RHD: variants seen among roughly 807,000 people sequenced by gnomAD.
RHD encodes the protein Rh blood group D antigen.
Under a neutral mutation model 45.5 loss-of-function variants are expected in RHD, and 16 were observed. That is an observed-to-expected ratio of 0.35 (90% CI 0.24 to 0.53). RHD has a LOEUF of 0.53. Ranked by LOEUF, RHD falls within the 20% of genes least tolerant of loss-of-function variation. The probability of loss-of-function intolerance (pLI) is 0.92; values close to 1 mark genes in which losing one functional copy is unlikely to be tolerated. For synonymous variants in RHD, 131 were observed against 217.5 expected, an observed-to-expected ratio of 0.60 and a Z score of 3.50; for missense variants, 306 against 532.0, an observed-to-expected ratio of 0.58 and a Z score of 4.18.
rs569995563 is a variant in RHD at position 25,321,349 on chromosome 1, C to CAA, written c.1154-525_1154-524dup. On this transcript the variant is annotated intron_variant, in intron 8 of 9. Transcript: ENST00000328664. ...CACTGCCATTCCCAGTTCTTTTTTT[C>CAA]AAAAAAAAAAAAAAAATGTCTACAG... Among the ~76,000 whole-genome samples, 11 of 87,148 alleles carry CAA rather than the reference C, an allele frequency of 1.3e-4. 2 individuals are homozygous for CAA. The highest frequency in any genetic ancestry group is 1.9e-4 in the Non-Finnish European group (7 of 37,070). 57.2% of individuals were successfully genotyped at this position (87,148 alleles called of 152,430 possible). A position where few individuals can be genotyped will look rare whatever the true frequency, so the allele number is the denominator to read the frequency against.
chr1:25,293,702 T>C lies in RHD; in HGVS notation c.486+2911T>C, dbSNP rs574784427. ...GTAACCATCAGTAGGTGGTATCTAC[T>C]GACTAGAGAGGGAAGTTTTTGAAAA... On this transcript the variant is annotated intron_variant, in intron 3 of 9. Coordinates refer to ENST00000328664, the MANE Select transcript of RHD (RefSeq NM_016124.6). Among the ~76,000 whole-genome samples, 683 of 131,852 alleles carry C rather than the reference T, an allele frequency of 5.2e-3. 168 individuals carry two copies. Among genetic ancestry groups the C allele is most frequent in the Non-Finnish European group, 9.6e-3 (536 of 55,816 alleles). The allele number at this position is 131,852 out of a possible 152,430, so 86.5% of individuals were successfully genotyped here.
Position 25,307,885 on chromosome 1 carries a change from C to T in RHD, c.1073+1156C>T. Reference sequence around the variant, plus strand: ...AAGCAAGGCGCCTCTGTGATGGGTTCCAGTGATGTGTCTGCCACTGTCTTA... The same window carrying T: ...AAGCAAGGCGCCTCTGTGATGGGTTTCAGTGATGTGTCTGCCACTGTCTTA... On this transcript the variant is annotated intron_variant, in intron 7 of 9. Transcript: ENST00000328664. 2.5e-6 allele frequency: 3 copies of T among 1,200,802 alleles called. 1 individual carries two copies. Among genetic ancestry groups the T allele is most frequent in the Non-Finnish European group, 3.5e-6 (3 of 854,730 alleles). 74.4% of individuals were successfully genotyped at this position (1,200,802 alleles called of 1,614,324 possible). A position where few individuals can be genotyped will look rare whatever the true frequency, so the allele number is the denominator to read the frequency against.
In RHD at chr1:25,307,747, C is replaced by T. The variant is rs183188679; in HGVS notation, c.1073+1018C>T. On this transcript the variant is annotated intron_variant, in intron 7 of 9. Coordinates refer to ENST00000328664, the MANE Select transcript of RHD (RefSeq NM_016124.6). ...GAGAAATCATGGAGGCGCTGCGGTT[C>T]CTACCGGTTCTTGGATGCCTTCTAC... The T allele has an allele frequency of 1.1e-3, 1,443 of 1,307,206 alleles. 270 individuals carry two copies. In the African/African-American group the frequency reaches 0.012, roughly 11 times the overall value. 81.0% of individuals were successfully genotyped at this position (1,307,206 alleles called of 1,614,324 possible). A position where few individuals can be genotyped will look rare whatever the true frequency, so the allele number is the denominator to read the frequency against.
Position 25,275,849 on chromosome 1 carries a change from G to A in RHD, c.148+3154G>A, listed in dbSNP as rs537564565. Among the ~76,000 whole-genome samples, 3 of 131,694 alleles carry A rather than the reference G, an allele frequency of 2.3e-5. 1 individual carries two copies. Among genetic ancestry groups the A allele is most frequent in the Admixed American group, 7.4e-5 (1 of 13,438 alleles). 86.4% of individuals were successfully genotyped at this position (131,694 alleles called of 152,430 possible). On this transcript the variant is annotated intron_variant, in intron 1 of 9. Transcript: ENST00000328664. ...ATTAGATCAACATGTTTTAAATCTC[G>A]AATGTGACTGACAGCTTGTACGAGG...
chr1:25,288,602 T>G (rs185301118), intron 2 of RHD, among the ~76,000 whole-genome samples: 1 of 126,916 alleles, frequency 7.9e-6, no homozygotes, highest in African/African-American at 2.7e-5. Context: ...TTACCGTGGC[T>G]CCAGAGGCAT....
At chr1:25,306,362 G>C (rs1174037328) in intron 6 of RHD, among the ~76,000 whole-genome samples, 1 of 131,560 alleles carries the variant, frequency 7.6e-6, no homozygotes, top group East Asian at 1.9e-4. Context: ...CATCACCTGG[G>C]ACCTTGTTAG....
In RHD at chr1:25,329,237, G is replaced by GTTTTTTTTTTTTTT. The variant is rs71014352; in HGVS notation, c.*325_*338dup. On this transcript the variant is annotated 3_prime_UTR_variant, in exon 10 of 10. Coordinates refer to ENST00000328664, the MANE Select transcript of RHD (RefSeq NM_016124.6). ...TAAGGTTAATTTATTATTATTCCTT[G>GTTTTTTTTTTTTTT]TTTTTTTTTTTTTTTTTTTTTTTTT... The GTTTTTTTTTTTTTT allele has an allele frequency of 2.1e-5, 5 of 233,242 alleles. No homozygotes were observed. Among genetic ancestry groups the GTTTTTTTTTTTTTT allele is most frequent in the Admixed American group, 7.8e-5 (1 of 12,816 alleles). 14.4% of individuals were successfully genotyped at this position (233,242 alleles called of 1,614,324 possible). A position where few individuals can be genotyped will look rare whatever the true frequency, so the allele number is the denominator to read the frequency against.
chr1:25,284,147 G>A lies in RHD; in HGVS notation c.149-426G>A, dbSNP rs1338403037. Among the ~76,000 whole-genome samples the A allele has an allele frequency of 7.3e-5, 10 of 136,146 alleles. 1 individual carries two copies. Among genetic ancestry groups the A allele is most frequent in the Admixed American group, 7.1e-4 (10 of 14,162 alleles). The allele number at this position is 136,146 out of a possible 152,430, so 89.3% of individuals were successfully genotyped here. On this transcript the variant is annotated intron_variant, in intron 1 of 9. Coordinates refer to ENST00000328664, the MANE Select transcript of RHD (RefSeq NM_016124.6). ...TCCTGGGACAAGTCACTTGGCTTCT[G>A]TGGCTTCATTTTCTCATGTGCCCAG...
At chr1:25,307,970 A>T (rs671726) in intron 7 of RHD, among the ~76,000 whole-genome samples, 6 of 127,746 alleles carry the variant, frequency 4.7e-5, no homozygotes, top group East Asian at 2.0e-4. Flanking sequence ...TTCCCCTCTG[A>T]AAGATGAGGA....
At chr1:25,311,350 C>T (rs1476611043) in intron 7 of RHD, among the ~76,000 whole-genome samples, 1 of 131,192 alleles carries the variant, frequency 7.6e-6, no homozygotes, top group African/African-American at 2.6e-5. Flanking sequence ...CAACTACCGA[C>T]TGATAAGAAA....
intron 3 of RHD, among the ~76,000 whole-genome samples, chr1:25,299,772 C>T (rs574927934): frequency 3.0e-5 from 4 of 132,834 alleles, no homozygotes; most frequent in South Asian, 2.3e-4. Flanking sequence ...ATTTATTTGA[C>T]GCAGTGTCAC....
chr1:25,311,348 G>A (rs1216815351), intron 7 of RHD, among the ~76,000 whole-genome samples: 2 of 130,924 alleles, frequency 1.5e-5, no homozygotes, highest in Admixed American at 7.4e-5. Flanking sequence ...CACAACTACC[G>A]ACTGATAAGA....
In RHD at chr1:25,285,650, A is replaced by C. The variant is rs1398338694; in HGVS notation, c.335+891A>C. The stretch of plus-strand genomic sequence containing the variant: ...ATTGATTAGGAAGGAACACAAAATA[A>C]CCGCATGGGGTGCAGAAAATGTTCT... On this transcript the variant is annotated intron_variant, in intron 2 of 9. Coordinates refer to ENST00000328664, the MANE Select transcript of RHD (RefSeq NM_016124.6). Among the ~76,000 whole-genome samples, 2 of 135,264 alleles carry C rather than the reference A, an allele frequency of 1.5e-5. 1 individual carries two copies. The highest frequency in any genetic ancestry group is 5.1e-5 in the African/African-American group (2 of 39,154). The allele number at this position is 135,264 out of a possible 152,430, so 88.7% of individuals were successfully genotyped here.
chr1:25,294,485 CGGTGA>C, intron 3 of RHD: 2 of 682,048 alleles, frequency 2.9e-6, no homozygotes, highest in Non-Finnish European at 5.3e-6. Context: ...AATGGTGGCT[CGGTGA>C]CAAGTGTATG....
At chr1:25,311,487 T>G (rs1644145678) in intron 7 of RHD, among the ~76,000 whole-genome samples, 1 of 128,734 alleles carries the variant, frequency 7.8e-6, no homozygotes. Context: ...ATCGCGCCAC[T>G]GCACTCCAGC....
At chr1:25,292,661 G>A (rs1642615819) in intron 3 of RHD, among the ~76,000 whole-genome samples, 1 of 129,012 alleles carries the variant, frequency 7.8e-6, no homozygotes. Context: ...GGGAGGGGGG[G>A]TAGAGATGTG....
chr1:25,306,913 C>A lies in RHD; in HGVS notation c.1073+184C>A, dbSNP rs776946740. On this transcript the variant is annotated intron_variant, in intron 7 of 9. Transcript: ENST00000328664. The stretch of plus-strand genomic sequence containing the variant: ...GCCCCTACCTTGGATGGATTTATCA[C>A]CTCTCCAGGCCACCTCTTCTTTCCA... 41 of 633,456 alleles carry A rather than the reference C, an allele frequency of 6.5e-5. 9 individuals are homozygous for A. Among genetic ancestry groups the A allele is most frequent in the Non-Finnish European group, 1.0e-4 (35 of 346,460 alleles). 39.2% of individuals were successfully genotyped at this position (633,456 alleles called of 1,614,324 possible).
At chr1:25,322,814 C>T (rs1644787545) in intron 9 of RHD, among the ~76,000 whole-genome samples, 3 of 124,970 alleles carry the variant, frequency 2.4e-5, no homozygotes, top group Admixed American at 2.4e-4. Context: ...TTCTCTCGGC[C>T]CCAAAGAAGG....
chr1:25,298,729 G>A (rs1219776357), intron 3 of RHD, among the ~76,000 whole-genome samples: 1 of 131,416 alleles, frequency 7.6e-6, no homozygotes, highest in Non-Finnish European at 1.8e-5. Context: ...GGACTCTTGT[G>A]GCAGTGGAAA....
Sources: gnomAD v4.1 joint callset for allele counts (sites outside exome capture counted in the v4.1 genomes callset) on GRCh38, gnomAD v4.1.1 for gene constraint, MANE v1.5 for transcripts, NCBI Gene and HGNC (gene_info 2026-07-23, HGNC 2026-07-21) for gene names.